Variants in CCSER1 observed in about 807,000 individuals in gnomAD.
CCSER1 encodes serine-rich coiled-coil domain-containing protein 1.
CCSER1 carries 41 observed loss-of-function variants against 82.0 expected under a neutral mutation model. The ratio of observed to expected loss-of-function variants is 0.50; its 90% CI spans 0.39 to 0.65. The LOEUF is 0.65. Among genes scored for constraint, CCSER1 ranks in the 30% least tolerant of loss-of-function variants. The pLI is 0.00. For synonymous variants in CCSER1, 414 were observed against 383.9 expected (o/e 1.08, Z -0.92); for missense variants, 1,119 against 1,064.2 (o/e 1.05, Z -0.72).
intron 8 of CCSER1, among the ~76,000 whole-genome samples, chr4:90,845,385 A>G (rs1364008368): frequency 6.7e-6 from 1 of 149,568 alleles, no homozygotes; most frequent in Non-Finnish European, 1.5e-5. Context: ...AAAAAAGAAT[A>G]TTTGTTGAGT....
chr4:90,263,090 C>A (rs1429293204), intron 1 of CCSER1, among the ~76,000 whole-genome samples: 1 of 152,168 alleles, frequency 6.6e-6, no homozygotes, highest in African/African-American at 2.4e-5. Flanking sequence ...ACTTTCTCCA[C>A]TGAGCCCAGT....
At chr4:90,359,131 G>T (rs1447534007) in intron 3 of CCSER1, among the ~76,000 whole-genome samples, 1 of 152,054 alleles carries the variant, frequency 6.6e-6, no homozygotes, top group Non-Finnish European at 1.5e-5. Context: ...TAACAGAAGG[G>T]GTGATAGTCT....
intron 5 of CCSER1, among the ~76,000 whole-genome samples, chr4:90,484,511 T>C (rs145323925): frequency 0.042 from 6,415 of 152,220 alleles, 388 homozygotes; most frequent in African/African-American, 0.14. Context: ...TTTTATCTAC[T>C]TTTGGTCTTT....
At chr4:90,626,852 A>G (rs142027995) in intron 5 of CCSER1, among the ~76,000 whole-genome samples, 10 of 152,334 alleles carry the variant, frequency 6.6e-5, no homozygotes, top group African/African-American at 2.4e-4. Context: ...CTATATAAAT[A>G]TTAGCTATTA....
At chr4:91,111,069 C>G (rs1380884088) in intron 10 of CCSER1, among the ~76,000 whole-genome samples, 1 of 151,714 alleles carries the variant, frequency 6.6e-6, no homozygotes, top group Non-Finnish European at 1.5e-5. Flanking sequence ...TTATGGGAAC[C>G]ATTTTTAAAT....
intron 10 of CCSER1, among the ~76,000 whole-genome samples, chr4:91,140,009 T>G (rs915429252): frequency 6.6e-6 from 1 of 152,146 alleles, no homozygotes; most frequent in Non-Finnish European, 1.5e-5. Context: ...TTTTCTTAGA[T>G]GATTCTTATT....
chr4:90,368,326 T>A (rs1354565423), intron 3 of CCSER1, among the ~76,000 whole-genome samples: 1 of 151,744 alleles, frequency 6.6e-6, no homozygotes, highest in African/African-American at 2.4e-5. Flanking sequence ...TATGAATGAA[T>A]AAGTTTTTGC....
chr4:90,364,264 C>G (rs566816710), intron 3 of CCSER1, among the ~76,000 whole-genome samples: 6 of 152,076 alleles, frequency 3.9e-5, no homozygotes, highest in African/African-American at 1.4e-4. Context: ...TCTCTCTCCC[C>G]CAAGTTCAGG....
At chr4:91,483,453 GGAGATGGA>G (rs1378268546) in intron 10 of CCSER1, among the ~76,000 whole-genome samples, 1 of 144,920 alleles carries the variant, frequency 6.9e-6, no homozygotes, top group Non-Finnish European at 1.5e-5. Flanking sequence ...TTTTTTTTTT[GGAGATGGA>G]GTCTTGCTCT....
intron 5 of CCSER1, among the ~76,000 whole-genome samples, chr4:90,504,883 CA>C (rs1164406081): frequency 2.0e-5 from 3 of 151,946 alleles, no homozygotes; most frequent in Non-Finnish European, 2.9e-5. Context: ...TATTAAATGC[CA>C]AAAAACCCAG....
At chr4:90,485,736 C>T (rs1578738053) in intron 5 of CCSER1, among the ~76,000 whole-genome samples, 1 of 152,026 alleles carries the variant, frequency 6.6e-6, no homozygotes, top group Non-Finnish European at 1.5e-5. Flanking sequence ...GTGTGTTGTT[C>T]CCCTCTATGT....
At chr4:90,714,077 C>T (rs1741174805) in intron 6 of CCSER1, among the ~76,000 whole-genome samples, 1 of 152,026 alleles carries the variant, frequency 6.6e-6, no homozygotes, top group South Asian at 2.1e-4. Context: ...TCATTCGCCC[C>T]TTTTCATTCC....
intron 10 of CCSER1, among the ~76,000 whole-genome samples, chr4:91,575,605 CA>C (rs1467561835): frequency 1.3e-5 from 2 of 151,832 alleles, no homozygotes; most frequent in South Asian, 2.1e-4. Context: ...ATCAAAATTC[CA>C]AAAGTATTTT....
intron 8 of CCSER1, among the ~76,000 whole-genome samples, chr4:90,876,104 G>A (rs2150051157): frequency 6.6e-6 from 1 of 152,102 alleles, no homozygotes; most frequent in South Asian, 2.1e-4. Flanking sequence ...ATTATGAGAA[G>A]AAAGATAAAA....
At chr4:90,795,514 A>G (rs75898162) in intron 7 of CCSER1, among the ~76,000 whole-genome samples, 2,127 of 152,294 alleles carry the variant, frequency 0.014, 53 homozygotes, top group African/African-American at 0.049. Flanking sequence ...TATCCTGGCC[A>G]GGACTTTCAA....
chr4:91,567,656 G>A (rs537248587), intron 10 of CCSER1, among the ~76,000 whole-genome samples: 11 of 151,992 alleles, frequency 7.2e-5, no homozygotes, highest in South Asian at 2.1e-4. Context: ...TTTGATCTTC[G>A]TTGGTTTGAA....
intron 1 of CCSER1, among the ~76,000 whole-genome samples, chr4:90,227,727 G>C (rs912957951): frequency 6.6e-6 from 1 of 152,182 alleles, no homozygotes; most frequent in Non-Finnish European, 1.5e-5. Flanking sequence ...CATCTCACTA[G>C]GGAGTGCCAG....
chr4:90,886,780 A>G (rs1052802779), intron 8 of CCSER1, among the ~76,000 whole-genome samples: 1 of 152,270 alleles, frequency 6.6e-6, no homozygotes, highest in East Asian at 1.9e-4. Context: ...TTATGAAGCT[A>G]CCATTATAAA....
intron 4 of CCSER1, among the ~76,000 whole-genome samples, chr4:90,403,498 C>CAAAAAA (rs753570201): frequency 5.7e-4 from 26 of 45,258 alleles, no homozygotes; most frequent in South Asian, 1.7e-3. Context: ...GACTCCGTCT[C>CAAAAAA]AAAAAAAAAA....
Sources: gnomAD v4.1 joint callset for allele counts (sites outside exome capture counted in the v4.1 genomes callset) on GRCh38, gnomAD v4.1.1 for gene constraint, MANE v1.5 for transcripts, NCBI Gene and HGNC (gene_info 2026-07-23, HGNC 2026-07-21) for gene names.